ALCAM: variants seen among roughly 807,000 people sequenced by gnomAD.
ALCAM encodes the protein activated leukocyte cell adhesion molecule.
A neutral mutation model predicts 70.9 loss-of-function variants in ALCAM; 30 were observed. The observed-to-expected ratio is 0.42, with a 90% CI of 0.32 to 0.57. The LOEUF (loss-of-function observed/expected upper bound fraction) is 0.57. Ranked by LOEUF, ALCAM falls within the 20% of genes least tolerant of loss-of-function variation. ALCAM has a pLI of 0.11. For missense variants in ALCAM, 591 were observed against 695.1 expected, an observed-to-expected ratio of 0.85 and a Z score of 1.68; for synonymous variants, 249 against 242.5, an observed-to-expected ratio of 1.03 and a Z score of -0.25.
intron 1 of ALCAM, among the ~76,000 whole-genome samples, chr3:105,369,370 C>T (rs1231369191): frequency 1.3e-5 from 2 of 152,212 alleles, no homozygotes; most frequent in Non-Finnish European, 2.9e-5. Flanking sequence ...GGGCACCGAG[C>T]TGCGCGCTTT....
intron 1 of ALCAM, among the ~76,000 whole-genome samples, chr3:105,424,889 T>G (rs1936751054): frequency 6.6e-6 from 1 of 151,758 alleles, no homozygotes; most frequent in Non-Finnish European, 1.5e-5. Context: ...GAGATTGGCC[T>G]CCTTCACCTA....
At chr3:105,478,066 A>AT (rs1377292953) in intron 1 of ALCAM, among the ~76,000 whole-genome samples, 3 of 151,604 alleles carry the variant, frequency 2.0e-5, no homozygotes, top group African/African-American at 7.3e-5. Flanking sequence ...TTCTCCCTTG[A>AT]TTTTTTCCCC....
At chr3:105,486,106 C>G (rs1938422068) in intron 1 of ALCAM, among the ~76,000 whole-genome samples, 1 of 151,942 alleles carries the variant, frequency 6.6e-6, no homozygotes. Context: ...TTTATAGTAA[C>G]CTTGAACCTT....
chr3:105,415,986 A>G (rs1315946973), intron 1 of ALCAM, among the ~76,000 whole-genome samples: 1 of 152,016 alleles, frequency 6.6e-6, no homozygotes, highest in African/African-American at 2.4e-5. Flanking sequence ...GACATGCGCA[A>G]TTTATTTGCT....
In ALCAM at chr3:105,540,116, T is replaced by C. The variant is rs751491217; in HGVS notation, c.858+14T>C. The C allele has an allele frequency of 1.2e-6, 2 of 1,607,696 alleles. No individual in the cohort carries two copies. Among genetic ancestry groups the C allele is most frequent in the Non-Finnish European group, 1.7e-6 (2 of 1,175,482 alleles). On this transcript the variant is annotated intron_variant, in intron 7 of 15. Coordinates refer to ENST00000306107, the MANE Select transcript of ALCAM (RefSeq NM_001627.4). ...TTTTACTTACCAGTAAGTGCTTAAG[T>C]ATTACTTCAGTTGGATGACTATCAT... is the stretch of plus-strand genomic sequence containing the variant.
intron 1 of ALCAM, among the ~76,000 whole-genome samples, chr3:105,395,136 C>A (rs552012666): frequency 1.3e-5 from 2 of 151,712 alleles, no homozygotes; most frequent in Non-Finnish European, 2.9e-5. Context: ...ATCAAATGAC[C>A]GCCCTGCCAA....
At chr3:105,531,899 T>G (rs1939847860) in intron 3 of ALCAM, 103 bp from the exon 4 acceptor site, 1 of 918,196 alleles carries the variant, frequency 1.1e-6, no homozygotes, top group African/African-American at 1.7e-5. Flanking sequence ...CTGTTGCTTA[T>G]TCTTCTGTAT....
chr3:105,523,098 C>T lies in ALCAM; in HGVS notation c.175-1191C>T, dbSNP rs571870289. On this transcript the variant is annotated intron_variant, in intron 2 of 15. Coordinates refer to ENST00000306107, the MANE Select transcript of ALCAM (RefSeq NM_001627.4). ...GAGCTTGCAGTGAGCCGAAGTTGTG[C>T]CACTGCACTCCAGCCTGGGCGACAG... Among the ~76,000 whole-genome samples, 3 of 127,804 alleles carry T rather than the reference C, an allele frequency of 2.3e-5. No homozygotes were observed. In the South Asian group the frequency reaches 7.3e-4, roughly 31 times the overall value. 83.8% of individuals were successfully genotyped at this position (127,804 alleles called of 152,430 possible).
At chr3:105,487,845 G>A (rs546908878) in intron 1 of ALCAM, among the ~76,000 whole-genome samples, 2 of 152,258 alleles carry the variant, frequency 1.3e-5, no homozygotes, top group South Asian at 4.1e-4. Context: ...TTTAAGAAGA[G>A]TTCCCAGATT....
chr3:105,399,421 A>G (rs910131818), intron 1 of ALCAM, among the ~76,000 whole-genome samples: 2 of 152,148 alleles, frequency 1.3e-5, no homozygotes, highest in Non-Finnish European at 2.9e-5. Flanking sequence ...ACATCAGAAT[A>G]TAAATTTTAT....
Position 105,560,775 on chromosome 3 carries a change from TTGTTA to T in ALCAM, c.1664+8191_1664+8195del, listed in dbSNP as rs912327169. On this transcript the variant is annotated intron_variant, in intron 14 of 15. Coordinates refer to ENST00000306107, the MANE Select transcript of ALCAM (RefSeq NM_001627.4). ...TCTATTTATCAAGCCATTCCAGCAC[TTGTTA>T]AAAGGACTTCCTTTCAGCCGTAACA... Among the ~76,000 whole-genome samples the T allele has an allele frequency of 1.8e-3, 267 of 152,312 alleles. 1 individual carries two copies. The highest frequency in any genetic ancestry group is 6.1e-3 in the African/African-American group (253 of 41,568).
At chr3:105,474,943 A>G (rs1938060450) in intron 1 of ALCAM, among the ~76,000 whole-genome samples, 1 of 151,808 alleles carries the variant, frequency 6.6e-6, no homozygotes, top group Non-Finnish European at 1.5e-5. Context: ...AATGAATAAA[A>G]CAAACAACAA....
In ALCAM at chr3:105,533,503, A is replaced by C. The variant is rs1023758063; in HGVS notation, c.460-100A>C. 1.5e-5 allele frequency: 14 copies of C among 935,676 alleles called. No homozygotes were observed. In the African/African-American group the frequency reaches 2.3e-4, roughly 15 times the overall value. 58.0% of individuals were successfully genotyped at this position (935,676 alleles called of 1,614,324 possible). ...AGTGTTGGAAAATAAACGGGTCAAG[A>C]AACCCTTGGAATAACTCTGCATTGC... On this transcript the variant is annotated intron_variant, in intron 4 of 15. Transcript: ENST00000306107.
chr3:105,483,802 T>C (rs566435307), intron 1 of ALCAM, among the ~76,000 whole-genome samples: 1 of 152,186 alleles, frequency 6.6e-6, no homozygotes, highest in Admixed American at 6.6e-5. Context: ...AAACAGAAGT[T>C]GCATTGGGGT....
At position 105,550,191 on chromosome 3, in the gene ALCAM, A is replaced by G. The variant is rs1940358284; in HGVS notation, c.1439A>G (p.Asn480Ser). The G allele has an allele frequency of 6.2e-7, 1 of 1,604,584 alleles. No individual in the cohort carries two copies. ...AAAATTATCATTTCCCCTGAAGAGA[A>G]TGTTACATTAACTTGCACAGCAGAA... ...YSKIIISPEE[N>S]VTLTCTAENQ... The change falls in exon 12 of 16, where the codon AAT becomes AGT. Residue 480 changes from asparagine to serine, a missense_variant. By Grantham distance (46) the Asn-to-Ser change is conservative. Coordinates refer to ENST00000306107, the MANE Select transcript of ALCAM (RefSeq NM_001627.4).
Position 105,533,644 on chromosome 3 carries a change from T to C in ALCAM, c.501T>C (p.Asn167=). ...CISEDSYPDG[N]ITWYRNGKVL... ...CAGAAGACAGTTATCCAGATGGCAA[T>C]ATCACATGGTACAGGAATGGAAAAG... Residue 167 remains asparagine, a synonymous_variant, in exon 5 of 16, where the codon AAT becomes AAC. Coordinates refer to ENST00000306107, the MANE Select transcript of ALCAM (RefSeq NM_001627.4). 1 of 1,612,136 alleles carries C rather than the reference T, an allele frequency of 6.2e-7. No individual in the cohort carries two copies. Among genetic ancestry groups the C allele is most frequent in the Non-Finnish European group, 8.5e-7 (1 of 1,178,632 alleles).
At chr3:105,484,936 G>A (rs1474144957) in intron 1 of ALCAM, among the ~76,000 whole-genome samples, 1 of 152,018 alleles carries the variant, frequency 6.6e-6, no homozygotes, top group African/African-American at 2.4e-5. Flanking sequence ...AAGTCTGGAA[G>A]AATTCTTTTT....
In ALCAM at chr3:105,445,279, T is replaced by G. The variant is rs183489403; in HGVS notation, c.74-74788T>G. The stretch of plus-strand genomic sequence containing the variant: ...CCAAGGAGGTGAAAGATTACTACAC[T>G]GAGAGATCAATACACTAAAACACTG... On this transcript the variant is annotated intron_variant, in intron 1 of 15. Coordinates refer to ENST00000306107, the MANE Select transcript of ALCAM (RefSeq NM_001627.4). 2.5e-3 allele frequency among the ~76,000 whole-genome samples: 380 copies of G among 152,166 alleles called. 2 individuals are homozygous for G. Among genetic ancestry groups the G allele is most frequent in the Non-Finnish European group, 4.2e-3 (286 of 67,974 alleles).
At chr3:105,457,918 C>T (rs956311301) in intron 1 of ALCAM, among the ~76,000 whole-genome samples, 4 of 152,134 alleles carry the variant, frequency 2.6e-5, no homozygotes, top group South Asian at 2.1e-4. Flanking sequence ...ATCCCTCATC[C>T]GTATCCTGAA....
Sources: allele counts gnomAD v4.1 joint callset (sites outside exome capture counted in the v4.1 genomes callset), GRCh38; gene constraint gnomAD v4.1.1; transcripts MANE v1.5; gene names NCBI Gene and HGNC (gene_info 2026-07-23, HGNC 2026-07-21).